MYH13: variants seen among roughly 807,000 people sequenced by gnomAD.
MYH13 encodes the protein myosin-13.
A neutral mutation model predicts 232.1 loss-of-function variants in MYH13; 177 were observed. The observed-to-expected ratio is 0.76, with a 90% confidence interval of 0.67 to 0.86. The LOEUF (loss-of-function observed/expected upper bound fraction) is 0.86. MYH13 is among the 40% of genes least tolerant of loss of function. The pLI, the probability that MYH13 is intolerant of heterozygous loss-of-function variation, is 0.00. For missense variants in MYH13, 2,246 were observed against 2,405.9 expected, an observed-to-expected ratio of 0.93 and a Z score of 1.39; for synonymous variants, 884 against 923.5, an observed-to-expected ratio of 0.96 and a Z score of 0.78.
chr17:10,334,619 C>T (rs941525575), intron 18 of MYH13, among the ~76,000 whole-genome samples: 2 of 151,982 alleles, frequency 1.3e-5, no homozygotes, highest in Non-Finnish European at 2.9e-5. Flanking sequence ...GTGGCTCATG[C>T]CTGTAATCAC....
Position 10,304,626 on chromosome 17 carries a change from A to C in MYH13, c.5467-1128T>G, listed in dbSNP as rs1362718417. ...GCCAGGAGTAGTCAAAGCACTCTCC[A>C]GGCCCACTTGATAGACCCAAAGCAA... On this transcript the variant is annotated intron_variant, in intron 37 of 40. Coordinates refer to ENST00000252172, the MANE Select transcript of MYH13 (RefSeq NM_003802.3). The surrounding 1 kb of genome is among the most constrained non-coding windows in gnomAD (Gnocchi z 5.3). Among the ~76,000 whole-genome samples the C allele has an allele frequency of 6.6e-6, 1 of 152,252 alleles. No individual in the cohort carries two copies. The highest frequency in any genetic ancestry group is 1.9e-4 in the East Asian group (1 of 5,204).
At chr17:10,367,034 G>A (rs1490980688) in intron 2 of MYH13, among the ~76,000 whole-genome samples, 1 of 152,192 alleles carries the variant, frequency 6.6e-6, no homozygotes, top group Non-Finnish European at 1.5e-5. Context: ...CATCATGCTG[G>A]TTTAGAGTCT....
intron 31 of MYH13, 60 bp from the exon 32 acceptor site, chr17:10,312,136 A>G (rs374277276): frequency 1.9e-6 from 3 of 1,589,268 alleles, no homozygotes; most frequent in East Asian, 2.2e-5. Context: ...AGAAGAGTTC[A>G]TGCAAACAAG....
At chr17:10,305,367 TA>T (rs1265398665) in intron 37 of MYH13, among the ~76,000 whole-genome samples, 1 of 152,248 alleles carries the variant, frequency 6.6e-6, no homozygotes, top group Non-Finnish European at 1.5e-5. Flanking sequence ...AAATAAACAT[TA>T]AAGAATTTTG....
chr17:10,309,102 T>A (rs1906393749), intron 35 of MYH13, 132 bp downstream of exon 35: 3 of 880,342 alleles, frequency 3.4e-6, no homozygotes, highest in Non-Finnish European at 5.0e-6. Context: ...TGACCACTAG[T>A]CTGGGAGAAA....
rs184100692 is a variant in MYH13 at position 10,337,724 on chromosome 17, G to A, written c.2056+2426C>T. ...GAGCTAAGGAGAAGCAAATGCAACA[G>A]GAAAGGACAGACATTTCAGCAACAT... On this transcript the variant is annotated intron_variant, in intron 18 of 40. Transcript: ENST00000252172. Among the ~76,000 whole-genome samples, 227 of 152,282 alleles carry A rather than the reference G, an allele frequency of 1.5e-3. 2 individuals carry two copies. Among genetic ancestry groups the A allele is most frequent in the Admixed American group, 1.7e-3 (26 of 15,296 alleles).
At chr17:10,323,312 T>C (rs1907046926) in intron 23 of MYH13, among the ~76,000 whole-genome samples, 1 of 152,200 alleles carries the variant, frequency 6.6e-6, no homozygotes, top group African/African-American at 2.4e-5. Context: ...ATCCTTGGTG[T>C]TATCCAGTCT....
At chr17:10,322,796 G>A (rs1336335519) in intron 23 of MYH13, among the ~76,000 whole-genome samples, 1 of 151,970 alleles carries the variant, frequency 6.6e-6, no homozygotes, top group Non-Finnish European at 1.5e-5. Flanking sequence ...ACCACGCCCG[G>A]CTAATTTTTT....
chr17:10,345,364 G>T lies in MYH13; in HGVS notation c.1422C>A (p.Ser474Arg), dbSNP rs2071655424. 1 of 1,614,240 alleles carries T rather than the reference G, an allele frequency of 6.2e-7. No homozygotes were observed. The highest frequency in any genetic ancestry group is 2.2e-5 in the East Asian group (1 of 44,888). The part of the protein sequence containing the change: ...IAGFEIFDFN[S>R]LEQLCINFTN... ...TGAAGTTGATGCACAGCTGCTCCAG[G>T]CTGTTGAACTGGGTGATTCAAATAC... is the stretch of plus-strand genomic sequence containing the variant. Residue 474 changes from serine to arginine, a missense_variant, in exon 15 of 41, where the codon AGC becomes AGA. Ser to Arg is a moderately radical substitution (Grantham distance 110). Coordinates refer to ENST00000252172, the MANE Select transcript of MYH13 (RefSeq NM_003802.3).
intron 14 of MYH13, 42 bp from the exon 15 acceptor site, chr17:10,345,414 A>C (rs759892346): frequency 1.7e-5 from 27 of 1,614,222 alleles, no homozygotes; most frequent in Non-Finnish European, 2.3e-5. Flanking sequence ...GAGCTTGGAA[A>C]ATACATTGGA....
At chr17:10,315,537 A>G (rs1405868079) in intron 29 of MYH13, among the ~76,000 whole-genome samples, 156 bp downstream of exon 29, 1 of 152,110 alleles carries the variant, frequency 6.6e-6, no homozygotes, top group Admixed American at 6.5e-5. Context: ...CTCGTGATCC[A>G]TCTGCCTTGG....
Position 10,300,974 on chromosome 17 carries a change from G to A in MYH13, c.5803-9C>T. On this transcript the variant is annotated splice_polypyrimidine_tract_variant and intron_variant, in intron 40 of 40. Transcript: ENST00000252172. ...CCTCATTCTTCCATCTTCTGTGGGA[G>A]AAAAAAATAATTGTACATAGGAAAT... 6.2e-7 allele frequency: 1 copy of A among 1,611,770 alleles called. No individual in the cohort carries two copies. The highest frequency in any genetic ancestry group is 8.5e-7 in the Non-Finnish European group (1 of 1,178,742).
At chr17:10,361,097 CAT>C (rs1249006330) in intron 5 of MYH13, among the ~76,000 whole-genome samples, 1 of 152,100 alleles carries the variant, frequency 6.6e-6, no homozygotes, top group Non-Finnish European at 1.5e-5. Context: ...CTGGAGCAGC[CAT>C]AGCAAACTAA....
At chr17:10,317,744 CAG>C (rs1333281653) in intron 27 of MYH13, 2 of 152,142 alleles carry the variant, frequency 1.3e-5, no homozygotes, top group Non-Finnish European at 2.9e-5. Context: ...GCATGGGCCA[CAG>C]AGAGTCTGGG....
At position 10,309,504 on chromosome 17, in the gene MYH13, G is replaced by A. The variant is rs1325244258; in HGVS notation, c.4965+18C>T. ...GCTGGGGCCCGTCCAGGTACGCAGAGGCGGCCACCGTGCTCACCTTGAGCT... is the reference window on the plus strand; with the variant it reads ...GCTGGGGCCCGTCCAGGTACGCAGAAGCGGCCACCGTGCTCACCTTGAGCT... On this transcript the variant is annotated intron_variant, in intron 34 of 40. Transcript: ENST00000252172. The A allele has an allele frequency of 6.2e-7, 1 of 1,601,870 alleles. No homozygotes were observed. The highest frequency in any genetic ancestry group is 1.7e-5 in the Admixed American group (1 of 59,278).
chr17:10,357,953 G>T, intron 7 of MYH13, 126 bp from the exon 8 acceptor site: 1 of 762,956 alleles, frequency 1.3e-6, no homozygotes, highest in Non-Finnish European at 2.2e-6. Context: ...CCACCTGGTG[G>T]TCAGTGCAGC....
chr17:10,320,010 A>G, intron 26 of MYH13, 143 bp downstream of exon 26: 1 of 685,744 alleles, frequency 1.5e-6, no homozygotes, highest in Non-Finnish European at 2.5e-6. Flanking sequence ...ATTATTTTCA[A>G]AAACTAAAGG....
At chr17:10,352,624 C>T (rs1334005849) in intron 11 of MYH13, among the ~76,000 whole-genome samples, 6 of 151,796 alleles carry the variant, frequency 4.0e-5, no homozygotes, top group Admixed American at 3.9e-4. Flanking sequence ...AAAAAGGCTC[C>T]GTGAGAGGAA....
At chr17:10,322,509 T>C (rs936389326) in intron 23 of MYH13, among the ~76,000 whole-genome samples, 19 of 152,172 alleles carry the variant, frequency 1.2e-4, no homozygotes, top group East Asian at 1.9e-4. Context: ...GAAACCTTTT[T>C]CCACATCCAA....
Sources: gnomAD v4.1 joint callset for allele counts (sites outside exome capture counted in the v4.1 genomes callset) on GRCh38, gnomAD v4.1.1 for gene constraint, Gnocchi (gnomAD v3.1) non-coding constraint, MANE v1.5 for transcripts, NCBI Gene and HGNC (gene_info 2026-07-23, HGNC 2026-07-21) for gene names.